ANKS1A: variants seen among roughly 807,000 people sequenced by gnomAD.
The protein encoded by ANKS1A is ankyrin repeat and sterile alpha motif domain containing 1A, also known as ankyrin repeat and SAM domain-containing protein 1A.
In ANKS1A, 55 loss-of-function variants were observed where a neutral mutation model predicts 120.3. The observed-to-expected ratio is 0.46, with a 90% CI of 0.37 to 0.57. The LOEUF (loss-of-function observed/expected upper bound fraction) is 0.57. Ranked by LOEUF, ANKS1A falls within the 20% of genes least tolerant of loss-of-function variation. The pLI is 0.00. For missense variants in ANKS1A, 1,123 were observed against 1,480.3 expected, an observed-to-expected ratio of 0.76 and a Z score of 3.96; for synonymous variants, 590 against 604.7, an observed-to-expected ratio of 0.98 and a Z score of 0.36.
At position 35,016,764 on chromosome 6, in the gene ANKS1A, CAAAA is replaced by C. The variant is rs145185965; in HGVS notation, c.1424-694_1424-691del. ...GGAAGAAGCAAGATGTGCACATTCT[CAAAA>C]AAAAAAAAAAAAAAGAGAGAGAGAA... On this transcript the variant is annotated intron_variant, in intron 10 of 23. Coordinates refer to ENST00000360359, the MANE Select transcript of ANKS1A (RefSeq NM_015245.3). Among the ~76,000 whole-genome samples the C allele has an allele frequency of 6.8e-3, 897 of 131,698 alleles. 4 individuals are homozygous for C. The highest frequency in any genetic ancestry group is 0.024 in the South Asian group (106 of 4,430). The allele number at this position is 131,698 out of a possible 152,430, so 86.4% of individuals were successfully genotyped here.
At chr6:35,018,150 G>A in intron 11 of ANKS1A, 91 bp downstream of exon 11, 1 of 1,326,542 alleles carries the variant, frequency 7.5e-7, no homozygotes, top group Non-Finnish European at 1.0e-6. Context: ...TCAGGCCCAG[G>A]ATCTGGGCAA....
intron 9 of ANKS1A, 111 bp from the exon 10 acceptor site, chr6:34,994,191 C>G: frequency 1.4e-6 from 2 of 1,382,704 alleles, no homozygotes; most frequent in Non-Finnish European, 2.0e-6. Context: ...CTTCTCTTTT[C>G]CACCTTTCTT....
Position 35,082,750 on chromosome 6 carries a change from C to T in ANKS1A, c.2769C>T (p.Ala923=). 1 of 1,613,978 alleles carries T rather than the reference C, an allele frequency of 6.2e-7. No individual in the cohort carries two copies. The highest frequency in any genetic ancestry group is 1.1e-5 in the South Asian group (1 of 91,070). ...LRPPSLAAPY[A]PVQSWQHQPE... ...CCCCGAGCCTGGCAGCCCCCTACGC[C>T]CCAGTGCAGAGTTGGCAACACCAGC... Residue 923 remains alanine, a synonymous_variant, in exon 18 of 24, where the codon GCC becomes GCT. Coordinates refer to ENST00000360359, the MANE Select transcript of ANKS1A (RefSeq NM_015245.3). This position sits in a 1 kb window ranked among gnomAD's most constrained non-coding sequence, Gnocchi z 4.1.
chr6:34,899,097 ATGT>A (rs1767228139), intron 1 of ANKS1A, among the ~76,000 whole-genome samples: 1 of 152,226 alleles, frequency 6.6e-6, no homozygotes. Flanking sequence ...AGAAACATAC[ATGT>A]TGTTGAATTT....
intron 12 of ANKS1A, among the ~76,000 whole-genome samples, chr6:35,054,747 G>C (rs1484066265): frequency 2.0e-5 from 3 of 152,234 alleles, no homozygotes; most frequent in African/African-American, 7.2e-5. Context: ...GCCAGCTTCT[G>C]TTCTCTTTGT....
At chr6:34,938,352 C>T (rs974690599) in intron 1 of ANKS1A, among the ~76,000 whole-genome samples, 13 of 152,192 alleles carry the variant, frequency 8.5e-5, no homozygotes, top group Non-Finnish European at 5.9e-5. Flanking sequence ...GCTGTCCTCT[C>T]CTTTGAGGAA....
At position 35,017,642 on chromosome 6, in the gene ANKS1A, C is replaced by T; in HGVS notation, c.1593C>T (p.Ser531=). 1.2e-6 allele frequency: 2 copies of T among 1,613,788 alleles called. No individual in the cohort carries two copies. Among genetic ancestry groups the T allele is most frequent in the Non-Finnish European group, 1.7e-6 (2 of 1,179,876 alleles). Residue 531 remains serine (S), a synonymous_variant, in exon 11 of 24, where the codon TCC becomes TCT. Transcript: ENST00000360359. ...CTAGQSHPDG[S]PQQGACHKAS... ...CTGGCCAGAGCCATCCAGACGGGTC[C>T]CCCCAGCAGGGCGCCTGCCACAAGG...
chr6:34,984,981 G>A (rs969874556), intron 7 of ANKS1A, 101 bp from the exon 8 acceptor site: 6 of 1,067,508 alleles, frequency 5.6e-6, no homozygotes, highest in Non-Finnish European at 8.2e-6. Flanking sequence ...GTTAGTGTTT[G>A]TGAGCGCGGG....
intron 13 of ANKS1A, among the ~76,000 whole-genome samples, chr6:35,073,519 G>C (rs1055037440): frequency 1.3e-5 from 2 of 152,226 alleles, no homozygotes; most frequent in Non-Finnish European, 2.9e-5. Context: ...GTTGCTGGGA[G>C]CCCTCCTGTC....
At chr6:34,934,906 TTTCAAACATTGGATTC>T (rs1257079745) in intron 1 of ANKS1A, among the ~76,000 whole-genome samples, 6 of 152,264 alleles carry the variant, frequency 3.9e-5, no homozygotes, top group Admixed American at 1.3e-4. Flanking sequence ...TTTCTAGTTA[TTTCAAACATTGGATTC>T]TTCAGGTGTC....
At chr6:35,059,371 G>T (rs58928674) in intron 12 of ANKS1A, among the ~76,000 whole-genome samples, 2,101 of 152,314 alleles carry the variant, frequency 0.014, 48 homozygotes, top group African/African-American at 0.046. Context: ...CCCGAGCCCC[G>T]GCCCATGTGC....
chr6:35,087,960 G>A (rs1424722498), intron 23 of ANKS1A, among the ~76,000 whole-genome samples: 6 of 152,234 alleles, frequency 3.9e-5, no homozygotes, highest in Admixed American at 3.3e-4. Context: ...AAGGCCTTCC[G>A]TAGAACCAAC....
chr6:35,093,042 C>T (rs898787512), downstream of ANKS1A, among the ~76,000 whole-genome samples: 3 of 151,906 alleles, frequency 2.0e-5, no homozygotes, highest in African/African-American at 7.3e-5. Flanking sequence ...AGGGACAGGC[C>T]GACTATCTAG....
chr6:34,916,414 T>A (rs1768169711), intron 1 of ANKS1A, among the ~76,000 whole-genome samples: 1 of 152,198 alleles, frequency 6.6e-6, no homozygotes, highest in Admixed American at 6.5e-5. Flanking sequence ...GGAGTTAAAG[T>A]GTTCGTTAAT....
At chr6:34,901,058 G>GC (rs974418277) in intron 1 of ANKS1A, among the ~76,000 whole-genome samples, 8 of 152,158 alleles carry the variant, frequency 5.3e-5, no homozygotes, top group African/African-American at 1.9e-4. Context: ...TGGTCCCTGT[G>GC]CCCCCCGCAA....
chr6:34,909,299 C>G (rs1401020290), intron 1 of ANKS1A, among the ~76,000 whole-genome samples: 2 of 152,188 alleles, frequency 1.3e-5, no homozygotes, highest in Admixed American at 6.5e-5. Context: ...TATAACTTGT[C>G]TAAACTCAAT....
intron 11 of ANKS1A, among the ~76,000 whole-genome samples, chr6:35,022,268 CAA>C (rs771140363): frequency 3.4e-4 from 52 of 152,332 alleles, no homozygotes; most frequent in Middle Eastern, 6.8e-3. Context: ...ATTTGTTTTT[CAA>C]ATATATTCTT....
chr6:35,060,862 C>G lies in ANKS1A; in HGVS notation c.2184+609C>G, dbSNP rs982670321. ...CTCTGGATCCCTGCAGAATAGGGAC[C>G]CATTTAGGACCCTGGGCTCAGGATC... On this transcript the variant is annotated intron_variant, in intron 13 of 23. Transcript: ENST00000360359. The surrounding 1 kb of genome is among the most constrained non-coding windows in gnomAD (Gnocchi z 4.5). Among the ~76,000 whole-genome samples the G allele has an allele frequency of 6.6e-6, 1 of 152,272 alleles. No homozygotes were observed. The highest frequency in any genetic ancestry group is 2.4e-5 in the African/African-American group (1 of 41,538).
intron 1 of ANKS1A, among the ~76,000 whole-genome samples, chr6:34,945,988 T>A (rs963656982): frequency 2.1e-4 from 32 of 148,998 alleles, no homozygotes; most frequent in African/African-American, 6.6e-4. Context: ...TATTTATTTT[T>A]TTTTTTTTTT....
Sources: allele counts gnomAD v4.1 joint callset (sites outside exome capture counted in the v4.1 genomes callset), GRCh38; gene constraint gnomAD v4.1.1; non-coding constraint Gnocchi (gnomAD v3.1); transcripts MANE v1.5; gene names NCBI Gene and HGNC (gene_info 2026-07-23, HGNC 2026-07-21).